The following EHBP1 variants were observed in gnomAD, a reference collection of about 807,000 sequenced individuals.
EHBP1 encodes EH domain binding protein 1.
Under a neutral mutation model 144.0 loss-of-function variants are expected in EHBP1, and 55 were observed. The ratio of observed to expected loss-of-function variants is 0.38; its 90% CI spans 0.31 to 0.48. The LOEUF is 0.48. Ranked by LOEUF, EHBP1 falls within the 20% of genes least tolerant of loss-of-function variation. The pLI is 0.98. For synonymous variants in EHBP1, 469 were observed against 472.7 expected (o/e 0.99, Z 0.10); for missense variants, 1,200 against 1,364.2 (o/e 0.88, Z 1.90).
chr2:62,958,688 C>G lies in EHBP1; in HGVS notation c.2460+3028C>G, dbSNP rs13413637. On this transcript the variant is annotated intron_variant, in intron 14 of 22. Transcript: ENST00000431489. ...GCATATTACTAGATGTAAATTACAT[C>G]TTTATCTTTTTAAATTATTACAAGC... Among the ~76,000 whole-genome samples, 323 of 152,174 alleles carry G rather than the reference C, an allele frequency of 2.1e-3. 1 individual carries two copies. Among genetic ancestry groups the G allele is most frequent in the Middle Eastern group, 0.01 (3 of 294 alleles).
At chr2:62,809,058 C>T (rs1053344977) in intron 5 of EHBP1, among the ~76,000 whole-genome samples, 18 of 151,892 alleles carry the variant, frequency 1.2e-4, no homozygotes, top group African/African-American at 1.9e-4. Flanking sequence ...TTTGGGAGGC[C>T]GAGGCGGACA....
At chr2:63,003,653 T>G (rs2059927525) in intron 19 of EHBP1, among the ~76,000 whole-genome samples, 1 of 152,100 alleles carries the variant, frequency 6.6e-6, no homozygotes, top group Admixed American at 6.6e-5. Context: ...ATCTGCAGTT[T>G]GAGAATTCAC....
intron 3 of EHBP1, among the ~76,000 whole-genome samples, chr2:62,753,410 C>A (rs555248718): frequency 6.6e-6 from 1 of 152,162 alleles, no homozygotes; most frequent in Non-Finnish European, 1.5e-5. Context: ...GGTAACCCGA[C>A]CTTTCTCTGT....
rs185503830 is a variant in EHBP1 at position 62,979,364 on chromosome 2, C to A, written c.2608+29C>A. ...AGTTAAAGAATCTTCTATCATTCTA[C>A]AGACAACCCAGAAATCCACAGTGGA... On this transcript the variant is annotated intron_variant, in intron 15 of 22. Coordinates refer to ENST00000431489, the MANE Select transcript of EHBP1 (RefSeq NM_001142616.3). The A allele has an allele frequency of 2.1e-5, 34 of 1,606,054 alleles. No individual in the cohort carries two copies. In the African/African-American group the frequency reaches 4.1e-4, roughly 20 times the overall value.
At chr2:62,890,125 T>A (rs530038165) in intron 10 of EHBP1, among the ~76,000 whole-genome samples, 1 of 152,146 alleles carries the variant, frequency 6.6e-6, no homozygotes, top group African/African-American at 2.4e-5. Context: ...CACACCCAGC[T>A]AATTTTTGTA....
chr2:62,948,984 A>C lies in EHBP1; in HGVS notation c.2138A>C (p.Asp713Ala), dbSNP rs138278043. The change falls in exon 13 of 23, where the codon GAT (aspartate) becomes GCT (alanine). Residue 713 changes from aspartate to alanine, a missense_variant. Asp to Ala is a moderately radical substitution (Grantham distance 126). Around this residue, in one of 6 missense-constraint regions of EHBP1, gnomAD observed 543 missense variants for 513.1 expected, o/e 1.06. Transcript: ENST00000431489. ...TCCAGATCCTTAGAATGCAGATCAG[A>C]TCCAGAATCTCCTATCAAAAAAACA... is the stretch of plus-strand genomic sequence containing the variant. The part of the protein sequence containing the change: ...ENSRSLECRS[D>A]PESPIKKTSL... 119 of 1,613,850 alleles carry C rather than the reference A, an allele frequency of 7.4e-5. No individual in the cohort carries two copies. Among genetic ancestry groups the C allele is most frequent in the Non-Finnish European group, 9.8e-5 (116 of 1,179,970 alleles).
chr2:62,802,619 C>T (rs1372497313), intron 5 of EHBP1, among the ~76,000 whole-genome samples: 1 of 152,046 alleles, frequency 6.6e-6, no homozygotes, highest in Non-Finnish European at 1.5e-5. Context: ...TGAAAGTTCT[C>T]CCTCACCCAC....
intron 6 of EHBP1, among the ~76,000 whole-genome samples, chr2:62,830,187 CACACACACAT>C (rs1233201764): frequency 2.8e-4 from 30 of 105,736 alleles, no homozygotes; most frequent in African/African-American, 6.2e-4. Context: ...CACACACACA[CACACACACAT>C]ATATATACAC....
At chr2:62,733,179 T>C (rs1573020253) in intron 2 of EHBP1, among the ~76,000 whole-genome samples, 1 of 152,336 alleles carries the variant, frequency 6.6e-6, no homozygotes, top group African/African-American at 2.4e-5. Context: ...AATGATGTAC[T>C]GGGTATGTGA....
At chr2:62,971,937 TG>T (rs983017236) in intron 14 of EHBP1, among the ~76,000 whole-genome samples, 2 of 152,184 alleles carry the variant, frequency 1.3e-5, no homozygotes, top group Non-Finnish European at 2.9e-5. Flanking sequence ...AAAAGGTGAA[TG>T]TCATCAGACC....
At chr2:62,782,401 A>G (rs182894451) in intron 5 of EHBP1, among the ~76,000 whole-genome samples, 63 of 152,308 alleles carry the variant, frequency 4.1e-4, no homozygotes, top group South Asian at 2.7e-3. Context: ...GACAGTTTCT[A>G]TCTTTCTGTA....
At chr2:62,881,995 A>G (rs2051468510) in intron 10 of EHBP1, among the ~76,000 whole-genome samples, 1 of 152,234 alleles carries the variant, frequency 6.6e-6, no homozygotes. Flanking sequence ...TAGCATTTTC[A>G]TTAATTGTAT....
chr2:62,778,683 G>A (rs1269260269), intron 5 of EHBP1, among the ~76,000 whole-genome samples: 1 of 152,084 alleles, frequency 6.6e-6, no homozygotes, highest in African/African-American at 2.4e-5. Context: ...TGATATAATA[G>A]CTCAAATAAT....
rs1446661320 is a variant in EHBP1, at chr2:63,020,127, C to A, written c.3104-17408C>A. 2.0e-5 allele frequency among the ~76,000 whole-genome samples: 3 copies of A among 151,938 alleles called. No individual in the cohort carries two copies. The South Asian group carries it at 6.2e-4, about 32-fold the overall frequency. On this transcript the variant is annotated intron_variant, in intron 19 of 22. Coordinates refer to ENST00000431489, the MANE Select transcript of EHBP1 (RefSeq NM_001142616.3). ...GATCACGAGGTCAGGAGTTTGAGAC[C>A]AGCGTGGTCAACATGGTGAAGCCCA... is the stretch of plus-strand genomic sequence containing the variant.
At position 63,045,350 on chromosome 2, in the gene EHBP1, C is replaced by T; in HGVS notation, c.3393-60C>T. On this transcript the variant is annotated intron_variant, in intron 22 of 22. Transcript: ENST00000431489. This position sits in a 1 kb window ranked among gnomAD's most constrained non-coding sequence, Gnocchi z 5.7. ...TACTGGGCGACGGGGGAGTGCTGCT[C>T]TGCCCTCCACGAAGAAAAATAATTT... is the stretch of plus-strand genomic sequence containing the variant. 1 of 1,526,738 alleles carries T rather than the reference C, an allele frequency of 6.5e-7. No individual in the cohort carries two copies. The highest frequency in any genetic ancestry group is 1.1e-5 in the South Asian group (1 of 88,016). The allele number at this position is 1,526,738 out of a possible 1,614,324, so 94.6% of individuals were successfully genotyped here.
At chr2:63,034,107 A>G (rs770488412) in intron 19 of EHBP1, among the ~76,000 whole-genome samples, 51 of 152,230 alleles carry the variant, frequency 3.4e-4, no homozygotes, top group Non-Finnish European at 6.8e-4. Context: ...ACAAAGTAGG[A>G]AAAAATATTA....
chr2:62,767,939 A>G (rs1382536857), intron 4 of EHBP1, among the ~76,000 whole-genome samples: 1 of 152,122 alleles, frequency 6.6e-6, no homozygotes. Context: ...GTAAATAATG[A>G]AATTAAGGCA....
chr2:62,688,143 T>C (rs548434373), intron 1 of EHBP1, among the ~76,000 whole-genome samples: 8 of 152,300 alleles, frequency 5.3e-5, no homozygotes, highest in Non-Finnish European at 1.0e-4. Flanking sequence ...TGAGAGAGAA[T>C]TACTGAATAA....
At chr2:62,846,153 G>A (rs1053085253) in intron 7 of EHBP1, among the ~76,000 whole-genome samples, 1 of 152,084 alleles carries the variant, frequency 6.6e-6, no homozygotes, top group Non-Finnish European at 1.5e-5. Flanking sequence ...TGCTTTATTT[G>A]TACTTATGAC....
Sources: allele counts gnomAD v4.1 joint callset (sites outside exome capture counted in the v4.1 genomes callset), GRCh38; gene constraint gnomAD v4.1.1; regional missense constraint gnomAD v4.1.1; non-coding constraint Gnocchi (gnomAD v3.1); transcripts MANE v1.5; gene names NCBI Gene and HGNC (gene_info 2026-07-23, HGNC 2026-07-21).